POLA1: variants seen among roughly 807,000 people sequenced by gnomAD.
POLA1 encodes the protein DNA polymerase alpha catalytic subunit.
In POLA1, 15 loss-of-function variants were observed where a neutral mutation model predicts 124.0. The ratio of observed to expected loss-of-function variants is 0.12; its 90% CI spans 0.08 to 0.19. The LOEUF is 0.19. POLA1 is among the 10% of genes least tolerant of loss of function. The pLI is 1.00. For missense variants in POLA1, 886 were observed against 1,103.4 expected, an observed-to-expected ratio of 0.80 and a Z score of 2.79; for synonymous variants, 408 against 389.4, an observed-to-expected ratio of 1.05 and a Z score of -0.56.
chrX:24,992,916 A>G, intron 36 of POLA1, among the ~76,000 whole-genome samples: 1 of 112,636 alleles, frequency 8.9e-6, no homozygotes. Flanking sequence ...GATTCTAATC[A>G]ATAGAAATCA....
At chrX:24,984,716 G>A (rs2048460889) in intron 36 of POLA1, among the ~76,000 whole-genome samples, 1 of 99,424 alleles carries the variant, frequency 1.0e-5, no homozygotes, top group African/African-American at 3.8e-5. Flanking sequence ...CTGGAGTGCA[G>A]TGGCGCGATC....
intron 8 of POLA1, 121 bp from the exon 9 acceptor site, chrX:24,717,169 A>G: frequency 1.6e-6 from 1 of 609,277 alleles, no homozygotes; most frequent in East Asian, 3.5e-5. Flanking sequence ...CAAACATAGT[A>G]TAGAAAAGGG....
intron 36 of POLA1, among the ~76,000 whole-genome samples, chrX:24,933,176 G>A (rs1358942624): frequency 9.0e-6 from 1 of 111,581 alleles, no homozygotes; most frequent in Non-Finnish European, 1.9e-5. Context: ...ATAGTTGGAT[G>A]GTTTCTAAAT....
At chrX:24,971,473 C>G (rs1169152341) in intron 36 of POLA1, among the ~76,000 whole-genome samples, 1 of 112,315 alleles carries the variant, frequency 8.9e-6, no homozygotes, top group Non-Finnish European at 1.9e-5. Context: ...TTATCATTTC[C>G]AAGGAGATAA....
intron 36 of POLA1, among the ~76,000 whole-genome samples, chrX:24,960,444 A>T (rs889839864): frequency 1.8e-5 from 2 of 111,666 alleles, no homozygotes; most frequent in Non-Finnish European, 3.8e-5. Context: ...CCCCACTAAG[A>T]GCTGACGGCG....
At chrX:24,734,865 C>T (rs1931173428) in intron 17 of POLA1, among the ~76,000 whole-genome samples, 1 of 112,053 alleles carries the variant, frequency 8.9e-6, no homozygotes, top group Non-Finnish European at 1.9e-5. Flanking sequence ...ATTCACCCGC[C>T]TCAGCCTCCC....
intron 36 of POLA1, among the ~76,000 whole-genome samples, chrX:24,943,591 ATT>A (rs1190900417): frequency 8.9e-6 from 1 of 112,566 alleles, no homozygotes; most frequent in Non-Finnish European, 1.9e-5. Flanking sequence ...GTCTTGGGAA[ATT>A]ATTCAACAGA....
At chrX:24,825,748 C>G (rs184589172) in intron 31 of POLA1, among the ~76,000 whole-genome samples, 1 of 111,795 alleles carries the variant, frequency 8.9e-6, no homozygotes, top group East Asian at 2.8e-4. Flanking sequence ...GAGGAGGAAC[C>G]AGGTAAATGA....
chrX:24,736,927 A>T (rs1931313344), intron 18 of POLA1, among the ~76,000 whole-genome samples: 1 of 112,056 alleles, frequency 8.9e-6, no homozygotes, highest in Non-Finnish European at 1.9e-5. Flanking sequence ...TATTGATGTG[A>T]ATTATTTTAA....
At chrX:24,861,176 A>G (rs1279093341) in intron 34 of POLA1, among the ~76,000 whole-genome samples, 3 of 112,096 alleles carry the variant, frequency 2.7e-5, no homozygotes, top group Non-Finnish European at 5.6e-5. Context: ...CCCTTTGCCC[A>G]GACTGGAGTG....
intron 26 of POLA1, among the ~76,000 whole-genome samples, chrX:24,755,851 A>G (rs1310129796): frequency 8.9e-6 from 1 of 112,346 alleles, no homozygotes; most frequent in Non-Finnish European, 1.9e-5. Flanking sequence ...TAGGAATGAT[A>G]CAAGTTAGGA....
At chrX:24,809,256 G>A (rs765166513) in intron 26 of POLA1, among the ~76,000 whole-genome samples, 2 of 110,570 alleles carry the variant, frequency 1.8e-5, no homozygotes, top group Non-Finnish European at 3.8e-5. Context: ...CTTCTGATCT[G>A]GCTCAAAATA....
At chrX:24,864,228 C>T (rs1458662995) in intron 34 of POLA1, among the ~76,000 whole-genome samples, 7 of 110,871 alleles carry the variant, frequency 6.3e-5, no homozygotes, top group African/African-American at 1.6e-4. Flanking sequence ...GTGATCCGCC[C>T]GCCTCGGCCT....
intron 35 of POLA1, among the ~76,000 whole-genome samples, chrX:24,905,562 CCTTT>C (rs1177539717): frequency 1.1e-5 from 1 of 89,222 alleles, no homozygotes; most frequent in East Asian, 4.1e-4. Flanking sequence ...ACCCCCCCCC[CCTTT>C]TTTTTTTTTT....
At chrX:24,810,615 C>T in intron 27 of POLA1, 93 bp from the exon 28 acceptor site, 1 of 413,581 alleles carries the variant, frequency 2.4e-6, no homozygotes, top group East Asian at 4.2e-5. Flanking sequence ...TCTGTGGAGC[C>T]TGTAATTTCT....
intron 36 of POLA1, among the ~76,000 whole-genome samples, chrX:24,959,170 T>C (rs752187153): frequency 8.9e-6 from 1 of 111,801 alleles, no homozygotes; most frequent in Admixed American, 9.5e-5. Flanking sequence ...ATCCAGTCCA[T>C]GTCCAAGATT....
At chrX:24,708,940 C>A (rs1328668941) in intron 4 of POLA1, among the ~76,000 whole-genome samples, 1 of 56,979 alleles carries the variant, frequency 1.8e-5, no homozygotes, top group Non-Finnish European at 3.6e-5. Context: ...CAGAGGGGCT[C>A]CTCACTTCCC....
chrX:24,801,332 C>T (rs965509110), intron 26 of POLA1, among the ~76,000 whole-genome samples: 2 of 111,785 alleles, frequency 1.8e-5, no homozygotes, highest in Non-Finnish European at 3.8e-5. Flanking sequence ...ACTTACTGAT[C>T]GATAATGGTT....
intron 10 of POLA1, 60 bp downstream of exon 10, chrX:24,717,818 A>G: frequency 1.3e-6 from 1 of 760,575 alleles, no homozygotes; most frequent in Non-Finnish European, 1.8e-6. Context: ...TCCCTTAAAT[A>G]TTTTATTTTT....
Sources: allele counts gnomAD v4.1 joint callset (sites outside exome capture counted in the v4.1 genomes callset), GRCh38; gene constraint gnomAD v4.1.1; transcripts MANE v1.5; gene names NCBI Gene and HGNC (gene_info 2026-07-23, HGNC 2026-07-21).